Variants in TRA2A observed in about 807,000 individuals in gnomAD.
TRA2A encodes transformer 2 alpha homolog.
Under a neutral mutation model 45.7 loss-of-function variants are expected in TRA2A, and 31 were observed. The observed-to-expected ratio is 0.68, with a 90% confidence interval of 0.51 to 0.92. The LOEUF is 0.92. Among genes scored for constraint, TRA2A ranks in the 40% least tolerant of loss-of-function variants. The probability of loss-of-function intolerance (pLI) is 0.00; values close to 1 mark genes in which losing one functional copy is unlikely to be tolerated. For synonymous variants in TRA2A, 132 were observed against 126.2 expected (o/e 1.05, Z -0.31); for missense variants, 304 against 367.5 (o/e 0.83, Z 1.41).
In TRA2A at chr7:23,531,970, C is replaced by T. The variant is rs1790611362; in HGVS notation, c.-146G>A. 2 of 850,014 alleles carry T rather than the reference C, an allele frequency of 2.4e-6. No homozygotes were observed. Among genetic ancestry groups the T allele is most frequent in the Non-Finnish European group, 3.6e-6 (2 of 548,936 alleles). The allele number at this position is 850,014 out of a possible 1,614,324, so 52.7% of individuals were successfully genotyped here. ...CACTCCACTCCCACTCGGTCGCAGG[C>T]TCCAGCAAAATGGCGCCGGCGCCGC... is the stretch of plus-strand genomic sequence containing the variant. On this transcript the variant is annotated 5_prime_UTR_variant, in exon 1 of 8. Coordinates refer to ENST00000297071, the MANE Select transcript of TRA2A (RefSeq NM_013293.5).
At chr7:23,521,517 TG>T (rs1346811881) in intron 2 of TRA2A, among the ~76,000 whole-genome samples, 189 bp downstream of exon 2, 57 of 152,348 alleles carry the variant, frequency 3.7e-4, no homozygotes, top group African/African-American at 1.3e-3. Flanking sequence ...CAATGCAGCC[TG>T]GAACTCCTGG....
rs70954385 is a variant in TRA2A at position 23,517,477 on chromosome 7, CAAAAAAAAAA to C, written c.171-959_171-950del. ...TGGGCGACAGAGCAAGACTACGTCT[CAAAAAAAAAA>C]AAAAAAAAAAAAAAAAAGAGAGAAA... is the stretch of plus-strand genomic sequence containing the variant. On this transcript the variant is annotated intron_variant, in intron 2 of 7. Transcript: ENST00000297071. Among the ~76,000 whole-genome samples the C allele has an allele frequency of 9.8e-3, 136 of 13,938 alleles. 4 individuals carry two copies. Among genetic ancestry groups the C allele is most frequent in the Middle Eastern group, 0.071 (1 of 14 alleles). The allele number at this position is 13,938 out of a possible 152,430, so 9.1% of individuals were successfully genotyped here.
At chr7:23,524,074 T>C (rs1333541305) in intron 1 of TRA2A, among the ~76,000 whole-genome samples, 1 of 152,214 alleles carries the variant, frequency 6.6e-6, no homozygotes, top group Non-Finnish European at 1.5e-5. Context: ...AAACCTTTTA[T>C]TAAAGTAAAC....
chr7:23,523,339 T>C (rs952113021), intron 1 of TRA2A, among the ~76,000 whole-genome samples: 3 of 152,200 alleles, frequency 2.0e-5, no homozygotes, highest in African/African-American at 7.2e-5. Flanking sequence ...AATAACTTAC[T>C]GATCATAAGC....
At chr7:23,521,295 C>A (rs1790123687) in intron 2 of TRA2A, among the ~76,000 whole-genome samples, 1 of 152,212 alleles carries the variant, frequency 6.6e-6, no homozygotes, top group Non-Finnish European at 1.5e-5. Context: ...CAGAAAACCG[C>A]CTTTTTGTTG....
At chr7:23,530,802 A>C (rs1159826806) in intron 1 of TRA2A, among the ~76,000 whole-genome samples, 1 of 152,156 alleles carries the variant, frequency 6.6e-6, no homozygotes, top group African/African-American at 2.4e-5. Flanking sequence ...AGGGCCTGTT[A>C]ATTTTCAGGT....
At chr7:23,521,322 A>G (rs1790125062) in intron 2 of TRA2A, among the ~76,000 whole-genome samples, 1 of 152,262 alleles carries the variant, frequency 6.6e-6, no homozygotes. Flanking sequence ...TATTGTTGGC[A>G]TAGAAACCAG....
intron 1 of TRA2A, among the ~76,000 whole-genome samples, chr7:23,530,707 G>T (rs1158436800): frequency 1.3e-5 from 2 of 152,114 alleles, no homozygotes; most frequent in Admixed American, 6.6e-5. Context: ...TGTGATGTTT[G>T]TATTTCTCCG....
intron 1 of TRA2A, among the ~76,000 whole-genome samples, chr7:23,528,380 G>C (rs938585886): frequency 6.6e-6 from 1 of 151,958 alleles, no homozygotes; most frequent in Admixed American, 6.6e-5. Context: ...GCTAATTTTT[G>C]TATTTTTAGT....
At chr7:23,513,121 A>G (rs776491770) in intron 3 of TRA2A, 39 bp from the exon 4 acceptor site, 4 of 1,445,748 alleles carry the variant, frequency 2.8e-6, no homozygotes, top group South Asian at 2.5e-5. Context: ...CCAAATTAAA[A>G]TCAAAATCAA....
intron 1 of TRA2A, chr7:23,522,132 C>A: frequency 1.6e-6 from 2 of 1,231,596 alleles, no homozygotes; most frequent in Non-Finnish European, 2.0e-6. Flanking sequence ...TTTACTTAAC[C>A]TAGGACCCAT....
intron 2 of TRA2A, among the ~76,000 whole-genome samples, 178 bp downstream of exon 2, chr7:23,521,529 G>A (rs1029991571): frequency 2.0e-5 from 3 of 152,134 alleles, no homozygotes; most frequent in African/African-American, 7.2e-5. Flanking sequence ...GAACTCCTGG[G>A]CTCAAGCCAT....
rs750486137 is a variant in TRA2A at position 23,521,757 on chromosome 7, T to C, written c.120A>G (p.Ser40=). ...SESRSGSRSP[S]RVSKHSESHS... ...GGGATTCAGAGTGTTTGGAAACCCT[T>C]GATGGACTACGAGATCCTGACCTGC... The change falls in exon 2 of 8, where the codon TCA becomes TCG. Residue 40 remains serine (S), a synonymous_variant. Transcript: ENST00000297071. 1 of 1,614,162 alleles carries C rather than the reference T, an allele frequency of 6.2e-7. No individual in the cohort carries two copies. The highest frequency in any genetic ancestry group is 8.5e-7 in the Non-Finnish European group (1 of 1,180,020).
At chr7:23,518,788 G>A (rs1429875254) in intron 2 of TRA2A, among the ~76,000 whole-genome samples, 3 of 151,390 alleles carry the variant, frequency 2.0e-5, no homozygotes, top group East Asian at 3.9e-4. Context: ...GGGTTCAAGC[G>A]ATTCTCCTGC....
At chr7:23,528,433 C>G (rs1275250148) in intron 1 of TRA2A, among the ~76,000 whole-genome samples, 2 of 152,128 alleles carry the variant, frequency 1.3e-5, no homozygotes, top group African/African-American at 4.8e-5. Context: ...GTCTCCATCT[C>G]TTGACCTTGT....
chr7:23,507,205 A>G (rs1789382398), intron 5 of TRA2A: 1 of 514,132 alleles, frequency 1.9e-6, no homozygotes. Flanking sequence ...AGTTCAAGTG[A>G]TTCCTGTGCC....
chr7:23,521,375 T>A (rs973780443), intron 2 of TRA2A, among the ~76,000 whole-genome samples: 1 of 152,220 alleles, frequency 6.6e-6, no homozygotes, highest in Non-Finnish European at 1.5e-5. Context: ...TTGATGGCTA[T>A]ATACACATAA....
intron 1 of TRA2A, among the ~76,000 whole-genome samples, chr7:23,528,955 C>A (rs554796877): frequency 4.6e-5 from 7 of 152,276 alleles, no homozygotes; most frequent in Non-Finnish European, 8.8e-5. Flanking sequence ...TCTGGAATTA[C>A]AAGATAGGTC....
intron 1 of TRA2A, chr7:23,522,322 CCATT>C: frequency 8.3e-7 from 1 of 1,198,886 alleles, no homozygotes; most frequent in Non-Finnish European, 1.1e-6. Flanking sequence ...ATTTTTTCCC[CCATT>C]CAATTTTAAT....
Sources: gnomAD v4.1 joint callset for allele counts (sites outside exome capture counted in the v4.1 genomes callset) on GRCh38, gnomAD v4.1.1 for gene constraint, MANE v1.5 for transcripts, NCBI Gene and HGNC (gene_info 2026-07-23, HGNC 2026-07-21) for gene names.